Variants in SPTLC2 observed in about 807,000 individuals in gnomAD.
SPTLC2 encodes serine palmitoyltransferase long chain base subunit 2.
Under a neutral mutation model 62.0 loss-of-function variants are expected in SPTLC2, and 21 were observed. The observed-to-expected ratio is 0.34, with a 90% CI of 0.24 to 0.49. The LOEUF is 0.49. SPTLC2 is among the 20% of genes least tolerant of loss of function. The pLI, the probability that SPTLC2 is intolerant of heterozygous loss-of-function variation, is 0.99. For synonymous variants in SPTLC2, 261 were observed against 261.8 expected, an observed-to-expected ratio of 1.00 and a Z score of 0.03; for missense variants, 511 against 713.0, an observed-to-expected ratio of 0.72 and a Z score of 3.23.
At chr14:77,561,319 G>A (rs915872859) in intron 6 of SPTLC2, among the ~76,000 whole-genome samples, 1 of 152,060 alleles carries the variant, frequency 6.6e-6, no homozygotes, top group Non-Finnish European at 1.5e-5. Context: ...ACCGTGTATT[G>A]TAAAAAGAGG....
At chr14:77,557,347 A>AAAC (rs1297708916) in intron 6 of SPTLC2, 3 of 584,476 alleles carry the variant, frequency 5.1e-6, no homozygotes, top group Admixed American at 3.0e-5. Context: ...CAAATGTTCA[A>AAAC]AACCATCGAA....
At chr14:77,584,416 T>C (rs1056815213) in intron 2 of SPTLC2, among the ~76,000 whole-genome samples, 5 of 152,240 alleles carry the variant, frequency 3.3e-5, no homozygotes, top group Non-Finnish European at 5.9e-5. Flanking sequence ...TGAGTATTTA[T>C]GACATACCAG....
At chr14:77,566,368 A>G (rs1401323544) in intron 5 of SPTLC2, among the ~76,000 whole-genome samples, 1 of 152,202 alleles carries the variant, frequency 6.6e-6, no homozygotes, top group Non-Finnish European at 1.5e-5. Flanking sequence ...ATTACTATTA[A>G]TCCTCACAAT....
At chr14:77,547,272 C>G (rs1209700678) in intron 9 of SPTLC2, among the ~76,000 whole-genome samples, 1 of 151,786 alleles carries the variant, frequency 6.6e-6, no homozygotes, top group Non-Finnish European at 1.5e-5. Context: ...CTGCTAAACT[C>G]TACTGTGGGT....
At chr14:77,539,984 G>A (rs1324932231) in intron 9 of SPTLC2, among the ~76,000 whole-genome samples, 2 of 151,998 alleles carry the variant, frequency 1.3e-5, no homozygotes, top group Non-Finnish European at 2.9e-5. Context: ...ATCACCTGGG[G>A]TCGGGAGTTC....
intron 2 of SPTLC2, among the ~76,000 whole-genome samples, chr14:77,585,997 C>G (rs1274758192): frequency 1.3e-5 from 2 of 151,986 alleles, no homozygotes; most frequent in Non-Finnish European, 2.9e-5. Flanking sequence ...AATGGCACAG[C>G]CAAGGTGGAA....
chr14:77,529,526 C>T (rs895830131), intron 9 of SPTLC2, among the ~76,000 whole-genome samples: 2 of 151,632 alleles, frequency 1.3e-5, no homozygotes, highest in Non-Finnish European at 1.5e-5. Flanking sequence ...TACTGACTCC[C>T]TTTAAGCAAA....
intron 2 of SPTLC2, among the ~76,000 whole-genome samples, chr14:77,587,609 T>C (rs1258532867): frequency 6.6e-6 from 1 of 151,784 alleles, no homozygotes; most frequent in Non-Finnish European, 1.5e-5. Context: ...CTACTATAAA[T>C]ACAAAAAATT....
In SPTLC2 at chr14:77,557,333, G is replaced by A; in HGVS notation, c.851-187C>T. 3 of 602,844 alleles carry A rather than the reference G, an allele frequency of 5.0e-6. No homozygotes were observed. In the South Asian group the frequency reaches 6.0e-5, roughly 12 times the overall value. 37.3% of individuals were successfully genotyped at this position (602,844 alleles called of 1,614,324 possible). A position where few individuals can be genotyped will look rare whatever the true frequency, so the allele number is the denominator to read the frequency against. ...GCCACCTTGAATTGAAATCCAAAATGTAACAAATGTTCAAAACCATCGAAA... is the reference window on the plus strand; with the variant it reads ...GCCACCTTGAATTGAAATCCAAAATATAACAAATGTTCAAAACCATCGAAA... On this transcript the variant is annotated intron_variant, in intron 6 of 11. Transcript: ENST00000216484.
intron 2 of SPTLC2, among the ~76,000 whole-genome samples, chr14:77,582,670 C>G (rs1174050643): frequency 2.6e-5 from 4 of 152,162 alleles, no homozygotes; most frequent in African/African-American, 9.7e-5. Flanking sequence ...ATTTCCTGAA[C>G]AAAGAATTGT....
Position 77,555,594 on chromosome 14 carries a change from CTTCA to C in SPTLC2, c.957-79_957-76del, listed in dbSNP as rs1164020787. 16 of 1,407,798 alleles carry C rather than the reference CTTCA, an allele frequency of 1.1e-5. No individual in the cohort carries two copies. The African/African-American group carries it at 2.3e-4, about 20-fold the overall frequency. 87.2% of individuals were successfully genotyped at this position (1,407,798 alleles called of 1,614,324 possible). A position where few individuals can be genotyped will look rare whatever the true frequency, so the allele number is the denominator to read the frequency against. On this transcript the variant is annotated intron_variant, in intron 7 of 11. Coordinates refer to ENST00000216484, the MANE Select transcript of SPTLC2 (RefSeq NM_004863.4). ...TTAAATCAAAATTGGGAGTTTGGCA[CTTCA>C]TTATTATTGAGTTTACTGCTTCTTT...
intron 11 of SPTLC2, among the ~76,000 whole-genome samples, chr14:77,515,589 G>A (rs1268594912): frequency 2.9e-5 from 4 of 136,162 alleles, no homozygotes; most frequent in East Asian, 2.0e-4. Flanking sequence ...TCGCACTGTC[G>A]CCCGGGCTGG....
intron 9 of SPTLC2, among the ~76,000 whole-genome samples, chr14:77,551,025 C>T (rs940806616): frequency 1.3e-5 from 2 of 151,708 alleles, no homozygotes; most frequent in East Asian, 1.9e-4. Context: ...TATTACATAA[C>T]TGTAGAGTGG....
chr14:77,602,324 T>G (rs2079882461), intron 1 of SPTLC2, among the ~76,000 whole-genome samples: 1 of 152,132 alleles, frequency 6.6e-6, no homozygotes, highest in Non-Finnish European at 1.5e-5. Flanking sequence ...CTTCTCACCA[T>G]CCTAACCCTC....
chr14:77,516,349 A>G (rs2079359833), intron 11 of SPTLC2, among the ~76,000 whole-genome samples: 1 of 152,218 alleles, frequency 6.6e-6, no homozygotes, highest in Non-Finnish European at 1.5e-5. Context: ...TTCTTTCATG[A>G]ATGTGTACAG....
Position 77,599,009 on chromosome 14 carries a change from C to T in SPTLC2, c.133-1629G>A, listed in dbSNP as rs139699320. Among the ~76,000 whole-genome samples the T allele has an allele frequency of 7.2e-5, 11 of 152,040 alleles. No homozygotes were observed. In the East Asian group the frequency reaches 1.9e-3, roughly 27 times the overall value. On this transcript the variant is annotated intron_variant, in intron 1 of 11. Coordinates refer to ENST00000216484, the MANE Select transcript of SPTLC2 (RefSeq NM_004863.4). ...AAGGGGAAAAATTGTTAGTAACTGA[C>T]ATGAATTTTTCTGTCCCCCTTCATC... is the stretch of plus-strand genomic sequence containing the variant.
At chr14:77,562,917 C>T (rs1316261031) in intron 5 of SPTLC2, among the ~76,000 whole-genome samples, 2 of 152,196 alleles carry the variant, frequency 1.3e-5, no homozygotes, top group Non-Finnish European at 2.9e-5. Flanking sequence ...TCTCTCACTA[C>T]TACTCATATC....
chr14:77,585,182 A>T (rs1474741250), intron 2 of SPTLC2, among the ~76,000 whole-genome samples: 1 of 152,200 alleles, frequency 6.6e-6, no homozygotes, highest in African/African-American at 2.4e-5. Context: ...GGCTTGAATG[A>T]CCTACAGTGT....
At chr14:77,602,489 A>C (rs140385531) in intron 1 of SPTLC2, among the ~76,000 whole-genome samples, 1 of 151,992 alleles carries the variant, frequency 6.6e-6, no homozygotes, top group African/African-American at 2.4e-5. Context: ...TCTGTGCTTT[A>C]GTCCAAGAGC....
Sources: gnomAD v4.1 joint callset for allele counts (sites outside exome capture counted in the v4.1 genomes callset) on GRCh38, gnomAD v4.1.1 for gene constraint, MANE v1.5 for transcripts, NCBI Gene and HGNC (gene_info 2026-07-23, HGNC 2026-07-21) for gene names.